The following SLC24A2 variants were observed in gnomAD, a reference collection of about 807,000 sequenced individuals.
SLC24A2 encodes solute carrier family 24 member 2, also known as sodium/potassium/calcium exchanger 2.
SLC24A2 carries 36 observed loss-of-function variants against 62.0 expected under a neutral mutation model. The observed-to-expected ratio is 0.58, with a 90% CI of 0.44 to 0.77. The LOEUF is 0.77. Ranked by LOEUF, SLC24A2 falls within the 30% of genes least tolerant of loss-of-function variation. The pLI is 0.00. For missense variants in SLC24A2, 846 were observed against 817.9 expected (o/e 1.03, Z -0.42); for synonymous variants, 358 against 294.0 (o/e 1.22, Z -2.23).
chr9:19,548,699 A>G (rs1353691659), intron 8 of SLC24A2, among the ~76,000 whole-genome samples: 1 of 152,136 alleles, frequency 6.6e-6, no homozygotes, highest in African/African-American at 2.4e-5. Context: ...TGCACCTAAC[A>G]AGAAAATGGA....
the SLC24A2 span, among the ~76,000 whole-genome samples, chr9:20,181,058 A>C: frequency 6.6e-6 from 1 of 152,142 alleles, no homozygotes; most frequent in Non-Finnish European, 1.5e-5. Flanking sequence ...CTTCAGAGAC[A>C]GTCCATGCAG....
chr9:20,148,614 C>A, the SLC24A2 span, among the ~76,000 whole-genome samples: 2 of 152,226 alleles, frequency 1.3e-5, no homozygotes, highest in South Asian at 4.1e-4. Context: ...GAATGTCATT[C>A]TTGACATTTC....
the SLC24A2 span, among the ~76,000 whole-genome samples, chr9:19,969,692 CAG>C: frequency 1.3e-5 from 2 of 151,914 alleles, no homozygotes; most frequent in Admixed American, 6.6e-5. Context: ...AGTTGGAAGA[CAG>C]AGAGAGAGAG....
At chr9:19,976,974 A>G in the SLC24A2 span, among the ~76,000 whole-genome samples, 1 of 152,258 alleles carries the variant, frequency 6.6e-6, no homozygotes, top group African/African-American at 2.4e-5. Flanking sequence ...AAAGTGCAAT[A>G]AAGATCAGCA....
chr9:19,851,223 C>T, the SLC24A2 span, among the ~76,000 whole-genome samples: 1 of 149,520 alleles, frequency 6.7e-6, no homozygotes, highest in East Asian at 2.0e-4. Context: ...TGGGGTTTCA[C>T]GATGTCGGCT....
intron 2 of SLC24A2, among the ~76,000 whole-genome samples, chr9:19,746,581 A>C (rs1821838989): frequency 6.6e-6 from 1 of 152,164 alleles, no homozygotes; most frequent in Non-Finnish European, 1.5e-5. Context: ...CCAAGGGCAT[A>C]CAATGGGAAG....
At chr9:20,087,701 G>A in the SLC24A2 span, among the ~76,000 whole-genome samples, 1 of 152,190 alleles carries the variant, frequency 6.6e-6, no homozygotes, top group African/African-American at 2.4e-5. Context: ...TGGCCAAGAT[G>A]GCTGACTAGA....
At chr9:20,014,865 T>A in the SLC24A2 span, among the ~76,000 whole-genome samples, 6 of 152,238 alleles carry the variant, frequency 3.9e-5, no homozygotes, top group East Asian at 1.2e-3. Flanking sequence ...TATTTCAAAA[T>A]AACAGAGATT....
rs147523526 is a variant in SLC24A2 at position 19,785,959 on chromosome 9, G to A, written c.908C>T (p.Thr303Ile). 6.2e-7 allele frequency: 1 copy of A among 1,614,180 alleles called. No individual in the cohort carries two copies. Among genetic ancestry groups the A allele is most frequent in the Non-Finnish European group, 8.5e-7 (1 of 1,180,022 alleles). ...AACCTTTGCTTGGGCTTCTGGTGCT[G>A]TCACCTTGACGACCTTATTGCGGTT... is the stretch of plus-strand genomic sequence containing the variant. ...MINRNKVVKV[T>I]APEAQAKPSA... The change falls in exon 2 of 11, where the codon ACA (threonine) becomes ATA (isoleucine). Residue 303 changes from threonine (T) to isoleucine (I), a missense_variant. Physicochemically the swap from Thr to Ile is moderately conservative, Grantham distance 89. Transcript: ENST00000341998.
intron 2 of SLC24A2, among the ~76,000 whole-genome samples, chr9:19,701,478 T>G (rs1308181725): frequency 1.3e-5 from 2 of 152,326 alleles, no homozygotes; most frequent in Non-Finnish European, 2.9e-5. Context: ...AACTCTGAGC[T>G]GTGTTGTATT....
chr9:19,964,520 C>A, the SLC24A2 span, among the ~76,000 whole-genome samples: 1 of 152,164 alleles, frequency 6.6e-6, no homozygotes, highest in South Asian at 2.1e-4. Context: ...ACAAGGACTT[C>A]CTGCCTGGGC....
intron 5 of SLC24A2, among the ~76,000 whole-genome samples, chr9:19,595,656 G>A (rs1465816285): frequency 6.6e-6 from 1 of 152,028 alleles, no homozygotes; most frequent in Non-Finnish European, 1.5e-5. Context: ...GGTGTAGGGA[G>A]GAAAGAAAGG....
At chr9:19,707,130 C>T (rs1820553755) in intron 2 of SLC24A2, among the ~76,000 whole-genome samples, 1 of 151,448 alleles carries the variant, frequency 6.6e-6, no homozygotes, top group South Asian at 2.1e-4. Flanking sequence ...ACAAACACCT[C>T]TATGCAAATA....
the SLC24A2 span, among the ~76,000 whole-genome samples, chr9:20,018,865 A>G: frequency 6.6e-6 from 1 of 152,072 alleles, no homozygotes; most frequent in East Asian, 1.9e-4. Context: ...GGAGTTAAAG[A>G]CAAGCCTGGG....
the SLC24A2 span, among the ~76,000 whole-genome samples, chr9:20,195,117 A>G: frequency 2.6e-5 from 4 of 152,252 alleles, no homozygotes; most frequent in South Asian, 2.1e-4. Flanking sequence ...ATGTAATTTT[A>G]ATGTATTCAT....
chr9:19,909,432 G>A, the SLC24A2 span, among the ~76,000 whole-genome samples: 2 of 151,978 alleles, frequency 1.3e-5, no homozygotes, highest in Non-Finnish European at 2.9e-5. Context: ...GTATACATAT[G>A]TAACAAACCT....
intron 8 of SLC24A2, among the ~76,000 whole-genome samples, chr9:19,548,417 T>G (rs575121530): frequency 3.3e-5 from 5 of 152,204 alleles, no homozygotes; most frequent in Non-Finnish European, 7.3e-5. Flanking sequence ...CTAAGTTTCT[T>G]TCTACTTATG....
the SLC24A2 span, among the ~76,000 whole-genome samples, chr9:19,918,966 G>A: frequency 6.6e-6 from 1 of 152,150 alleles, no homozygotes; most frequent in African/African-American, 2.4e-5. Flanking sequence ...GGGTCATAAG[G>A]TTTCTTCCTC....
At chr9:20,246,743 A>G in the SLC24A2 span, among the ~76,000 whole-genome samples, 2 of 152,206 alleles carry the variant, frequency 1.3e-5, no homozygotes, top group Non-Finnish European at 1.5e-5. Context: ...GGAATCCTTC[A>G]GCAACTGCAG....
Sources: gnomAD v4.1 joint callset for allele counts (sites outside exome capture counted in the v4.1 genomes callset) on GRCh38, gnomAD v4.1.1 for gene constraint, MANE v1.5 for transcripts, NCBI Gene and HGNC (gene_info 2026-07-23, HGNC 2026-07-21) for gene names.